Variants in IL1RAPL1 observed in about 807,000 individuals in gnomAD.
IL1RAPL1 encodes interleukin 1 receptor accessory protein like 1, also known as interleukin-1 receptor accessory protein-like 1.
In IL1RAPL1, 3 loss-of-function variants were observed where a neutral mutation model predicts 48.4. That is an observed-to-expected ratio of 0.06 (90% CI 0.03 to 0.16). The LOEUF is 0.16. IL1RAPL1 is among the 10% of genes least tolerant of loss of function. The pLI, the probability that IL1RAPL1 is intolerant of heterozygous loss-of-function variation, is 1.00. For synonymous variants in IL1RAPL1, 185 were observed against 187.7 expected (o/e 0.99, Z 0.12); for missense variants, 349 against 530.6 (o/e 0.66, Z 3.36).
At chrX:29,832,011 G>T (rs1022828299) in intron 6 of IL1RAPL1, among the ~76,000 whole-genome samples, 3 of 111,456 alleles carry the variant, frequency 2.7e-5, no homozygotes, top group Non-Finnish European at 5.7e-5. Context: ...CTGTCAACCC[G>T]TGGGACACCT....
At chrX:28,871,781 C>T (rs1028225127) in intron 2 of IL1RAPL1, among the ~76,000 whole-genome samples, 1 of 111,576 alleles carries the variant, frequency 9.0e-6, no homozygotes, top group Non-Finnish European at 1.9e-5. Flanking sequence ...ACTGTATTCC[C>T]TGCTGTAGTG....
chrX:29,453,649 A>T (rs1483888980), intron 5 of IL1RAPL1, among the ~76,000 whole-genome samples: 5 of 110,914 alleles, frequency 4.5e-5, no homozygotes, highest in East Asian at 2.9e-4. Context: ...CTTTTAGAAA[A>T]TTTTTTTTAT....
chrX:29,012,088 A>G (rs1173259622), intron 2 of IL1RAPL1, among the ~76,000 whole-genome samples: 1 of 112,771 alleles, frequency 8.9e-6, no homozygotes, highest in East Asian at 2.8e-4. Flanking sequence ...ATGGAAATAT[A>G]TACAAAGAGT....
chrX:29,435,090 C>A (rs764987235), intron 5 of IL1RAPL1, among the ~76,000 whole-genome samples: 1 of 111,025 alleles, frequency 9.0e-6, no homozygotes, highest in South Asian at 3.6e-4. Flanking sequence ...TATGCAATAG[C>A]GTATTTTTAA....
chrX:29,793,755 C>G (rs898881841), intron 6 of IL1RAPL1, among the ~76,000 whole-genome samples: 6 of 112,210 alleles, frequency 5.3e-5, no homozygotes, highest in African/African-American at 1.9e-4. Context: ...AAAACATACT[C>G]TCAACATTTC....
chrX:29,515,251 C>T (rs1402947559), intron 5 of IL1RAPL1, among the ~76,000 whole-genome samples: 2 of 112,317 alleles, frequency 1.8e-5, no homozygotes, highest in Admixed American at 9.4e-5. Flanking sequence ...AATCAGTTTC[C>T]CTCAATGGAA....
At chrX:29,485,036 A>G (rs993615188) in intron 5 of IL1RAPL1, among the ~76,000 whole-genome samples, 3 of 112,117 alleles carry the variant, frequency 2.7e-5, no homozygotes, top group African/African-American at 9.7e-5. Context: ...TCCTGAATTC[A>G]AGAATTAGAT....
chrX:28,744,344 A>T (rs1935946864), intron 1 of IL1RAPL1, among the ~76,000 whole-genome samples: 1 of 111,632 alleles, frequency 9.0e-6, no homozygotes, highest in African/African-American at 3.3e-5. Flanking sequence ...TATTTATATT[A>T]ATGCATGTAA....
intron 5 of IL1RAPL1, among the ~76,000 whole-genome samples, chrX:29,426,784 A>C (rs1355878079): frequency 1.8e-5 from 2 of 111,603 alleles, no homozygotes; most frequent in East Asian, 5.6e-4. Context: ...CGTACTCAAA[A>C]TGTCATTATG....
At chrX:29,928,668 C>G (rs1267452843) in intron 8 of IL1RAPL1, among the ~76,000 whole-genome samples, 3 of 112,112 alleles carry the variant, frequency 2.7e-5, no homozygotes, top group Non-Finnish European at 5.6e-5. Context: ...TACCACCATC[C>G]TGGAGCATTA....
rs181640270 is a variant in IL1RAPL1 at position 29,285,906 on chromosome X, C to T, written c.362+2689C>T. Among the ~76,000 whole-genome samples, 270 of 111,708 alleles carry T rather than the reference C, an allele frequency of 2.4e-3. 1 individual carries two copies. Among genetic ancestry groups the T allele is most frequent in the Non-Finnish European group, 3.9e-3 (208 of 53,154 alleles). On this transcript the variant is annotated intron_variant, in intron 3 of 10. Coordinates refer to ENST00000378993, the MANE Select transcript of IL1RAPL1 (RefSeq NM_014271.4). ...CAAGGGCTGTCAGTTGAGTCACTGA[C>T]ATTTTGGCATATTGTTAGCTATCAG... is the stretch of plus-strand genomic sequence containing the variant.
intron 3 of IL1RAPL1, among the ~76,000 whole-genome samples, chrX:29,301,878 C>A (rs1381073315): frequency 9.0e-6 from 1 of 111,083 alleles, no homozygotes; most frequent in African/African-American, 3.3e-5. Context: ...CGAGATAGAT[C>A]TTTCTTCCCA....
chrX:29,954,555 C>A lies in IL1RAPL1; in HGVS notation c.1235C>A (p.Thr412Asn). ...GATTATGATGCATACTTATCATACA[C>A]CAAAGTGGATCCTGACCAGTGGAAT... ...NKDYDAYLSY[T>N]KVDPDQWNQE... The change falls in exon 10 of 11, where the codon ACC becomes AAC. Residue 412 changes from threonine to asparagine, a missense_variant. This residue lies in a region of IL1RAPL1 where 238 missense variants were observed against 337.8 expected (regional missense o/e 0.70). Transcript: ENST00000378993. The A allele has an allele frequency of 8.3e-7, 1 of 1,210,205 alleles. No individual in the cohort carries two copies.
chrX:28,831,064 G>A (rs987853215), intron 2 of IL1RAPL1, among the ~76,000 whole-genome samples: 1 of 90,368 alleles, frequency 1.1e-5, no homozygotes, highest in African/African-American at 4.6e-5. Context: ...GTGTGTGTGT[G>A]TGTGTGTGTG....
At chrX:28,988,355 CT>C (rs921225207) in intron 2 of IL1RAPL1, among the ~76,000 whole-genome samples, 2 of 110,240 alleles carry the variant, frequency 1.8e-5, no homozygotes, top group Non-Finnish European at 3.8e-5. Context: ...GGTGATCATC[CT>C]TTTTTTTTCT....
intron 2 of IL1RAPL1, among the ~76,000 whole-genome samples, chrX:29,040,049 A>G (rs1926813004): frequency 1.8e-5 from 2 of 112,209 alleles, no homozygotes; most frequent in African/African-American, 6.5e-5. Context: ...TCAGGGGCCT[A>G]GATTTAAAAA....
intron 2 of IL1RAPL1, among the ~76,000 whole-genome samples, chrX:29,038,080 A>C (rs1032685286): frequency 9.0e-6 from 1 of 111,193 alleles, no homozygotes; most frequent in African/African-American, 3.3e-5. Flanking sequence ...TGCAAAAAAA[A>C]AAATGTTCAC....
At chrX:29,578,214 C>T (rs922417164) in intron 5 of IL1RAPL1, among the ~76,000 whole-genome samples, 12 of 111,988 alleles carry the variant, frequency 1.1e-4, no homozygotes, top group Admixed American at 9.5e-4. Context: ...CCAAGTGTTG[C>T]ACCATGGGAG....
chrX:28,626,496 A>G (rs534806175), intron 1 of IL1RAPL1, among the ~76,000 whole-genome samples: 1 of 111,803 alleles, frequency 8.9e-6, no homozygotes, highest in Non-Finnish European at 1.9e-5. Context: ...ATTATTACAT[A>G]TAAGGTTGCT....
Sources: gnomAD v4.1 joint callset for allele counts (sites outside exome capture counted in the v4.1 genomes callset) on GRCh38, gnomAD v4.1.1 for gene constraint, gnomAD v4.1.1 regional missense constraint, MANE v1.5 for transcripts, NCBI Gene and HGNC (gene_info 2026-07-23, HGNC 2026-07-21) for gene names.